The following DOCK6 variants were observed in gnomAD, a reference collection of about 807,000 sequenced individuals.
DOCK6 encodes dedicator of cytokinesis protein 6.
Under a neutral mutation model 230.3 loss-of-function variants are expected in DOCK6, and 167 were observed. That is an observed-to-expected ratio of 0.73 (90% CI 0.64 to 0.82). The LOEUF is 0.82. Ranked by LOEUF, DOCK6 falls within the 40% of genes least tolerant of loss-of-function variation. The pLI, the probability that DOCK6 is intolerant of heterozygous loss-of-function variation, is 0.00. For synonymous variants in DOCK6, 1,148 were observed against 1,185.0 expected, an observed-to-expected ratio of 0.97 and a Z score of 0.64; for missense variants, 2,598 against 2,825.8, an observed-to-expected ratio of 0.92 and a Z score of 1.83.
At chr19:11,239,935 G>A (rs746995630) in intron 14 of DOCK6, 66 of 1,579,130 alleles carry the variant, frequency 4.2e-5, no homozygotes, top group Non-Finnish European at 5.6e-5. Flanking sequence ...GGAGACTCAG[G>A]TGGGCACCGT....
At chr19:11,230,983 C>T (rs2079756361) in intron 22 of DOCK6, among the ~76,000 whole-genome samples, 1 of 152,142 alleles carries the variant, frequency 6.6e-6, no homozygotes. Context: ...CCAGCCATAC[C>T]CTGGCAACTC....
At chr19:11,259,561 T>TTTTTC (rs1236507360) in intron 1 of DOCK6, among the ~76,000 whole-genome samples, 8 of 128,302 alleles carry the variant, frequency 6.2e-5, no homozygotes, top group Non-Finnish European at 1.2e-4. Context: ...CTTTTCTTTT[T>TTTTTC]TTTTTTTTTT....
intron 1 of DOCK6, among the ~76,000 whole-genome samples, chr19:11,260,946 C>G (rs1405553901): frequency 6.7e-6 from 1 of 148,448 alleles, no homozygotes; most frequent in Admixed American, 6.7e-5. Flanking sequence ...AAACAGACAG[C>G]AATAATGTTT....
intron 7 of DOCK6, 94 bp from the exon 8 acceptor site, chr19:11,245,972 A>C: frequency 4.3e-6 from 6 of 1,393,810 alleles, no homozygotes; most frequent in Non-Finnish European, 5.9e-6. Flanking sequence ...GGGGCATCTG[A>C]CTCCCACTGG....
Position 11,248,165 on chromosome 19 carries a change from GGGGT to G in DOCK6, c.721-18_721-15del. ...CACGGCTTCATCCTGCCAAGAGTGG[GGGGT>G]GGGAGCTGGGCGGGAGGAGCTGGGA... is the stretch of plus-strand genomic sequence containing the variant. On this transcript the variant is annotated splice_polypyrimidine_tract_variant and intron_variant, in intron 6 of 47. Transcript: ENST00000294618. The G allele has an allele frequency of 1.9e-6, 3 of 1,568,926 alleles. No individual in the cohort carries two copies. The highest frequency in any genetic ancestry group is 2.6e-6 in the Non-Finnish European group (3 of 1,144,148).
rs1445290234 is a variant in DOCK6 at position 11,222,317 on chromosome 19, C to CCAT, written c.3241-72_3241-70dup. The CCAT allele has an allele frequency of 3.8e-5, 58 of 1,530,416 alleles. No homozygotes were observed. The highest frequency in any genetic ancestry group is 4.9e-5 in the Non-Finnish European group (56 of 1,131,378). The allele number at this position is 1,530,416 out of a possible 1,614,324, so 94.8% of individuals were successfully genotyped here. ...CAGAGGTGGCAGGTCACCATTAAAG[C>CCAT]CATCTTGGAGGTGACAGAAATCATG... On this transcript the variant is annotated intron_variant, in intron 26 of 47. Coordinates refer to ENST00000294618, the MANE Select transcript of DOCK6 (RefSeq NM_020812.4). This position sits in a 1 kb window ranked among gnomAD's most constrained non-coding sequence, Gnocchi z 4.0.
At chr19:11,204,471 CT>C (rs1228004212) in intron 39 of DOCK6, 140 bp from the exon 40 acceptor site, 7 of 1,214,296 alleles carry the variant, frequency 5.8e-6, no homozygotes, top group Admixed American at 5.6e-5. Flanking sequence ...CTGACCACCC[CT>C]ATCCCAGATA....
At chr19:11,250,741 C>T in intron 6 of DOCK6, 133 bp downstream of exon 6, 1 of 892,080 alleles carries the variant, frequency 1.1e-6, no homozygotes, top group Non-Finnish European at 1.7e-6. Context: ...AGTAGGTGCC[C>T]AATAAACACT....
At chr19:11,218,858 GAA>G (rs59175057) in intron 28 of DOCK6, among the ~76,000 whole-genome samples, 2 of 104,588 alleles carry the variant, frequency 1.9e-5, no homozygotes, top group African/African-American at 3.3e-5. Context: ...AGGAGCTCAA[GAA>G]AAAAAAAAAA....
intron 14 of DOCK6, among the ~76,000 whole-genome samples, chr19:11,241,138 C>T (rs1437920082): frequency 6.6e-6 from 1 of 151,608 alleles, no homozygotes; most frequent in East Asian, 1.9e-4. Flanking sequence ...CCCAGCTACT[C>T]AGGAGGCTTA....
In DOCK6 at chr19:11,252,793, G is replaced by C. The variant is rs750683362; in HGVS notation, c.298C>G (p.Pro100Ala). The change falls in exon 3 of 48, where the codon CCC becomes GCC. Residue 100 changes from proline (P) to alanine (A), a missense_variant. Pro to Ala is a conservative substitution (Grantham distance 27, BLOSUM62 -1). Transcript: ENST00000294618. ...TGGGGCTGAACCCACTCATCCTTGGGGATCCCGGGCTCCGTGGTCCGGCAT... is the reference window on the plus strand; with the variant it reads ...TGGGGCTGAACCCACTCATCCTTGGCGATCCCGGGCTCCGTGGTCCGGCAT... ...RECRTTEPGIPKDEKLDAQVR... is the reference protein window; with the variant it reads ...RECRTTEPGIAKDEKLDAQVR... The C allele has an allele frequency of 6.2e-7, 1 of 1,610,748 alleles. No homozygotes were observed. The highest frequency in any genetic ancestry group is 2.2e-5 in the East Asian group (1 of 44,814).
intron 6 of DOCK6, among the ~76,000 whole-genome samples, chr19:11,248,863 T>C (rs191946319): frequency 6.6e-5 from 10 of 152,274 alleles, no homozygotes; most frequent in Admixed American, 6.5e-4. Context: ...TATAGAGGTA[T>C]ACAATAGGTA....
At chr19:11,204,792 T>G (rs1250281472) in intron 39 of DOCK6, among the ~76,000 whole-genome samples, 14 of 152,214 alleles carry the variant, frequency 9.2e-5, no homozygotes, top group Admixed American at 9.2e-4. Context: ...TCCTCCTGCC[T>G]TGGCCTCTTG....
At chr19:11,215,554 A>G in intron 31 of DOCK6, 83 bp from the exon 32 acceptor site, 2 of 1,430,130 alleles carry the variant, frequency 1.4e-6, no homozygotes, top group East Asian at 2.4e-5. Flanking sequence ...AGGCATGAAG[A>G]TATTCAGGTG....
At chr19:11,242,673 T>G (rs1032193108) in intron 13 of DOCK6, among the ~76,000 whole-genome samples, 9 of 151,938 alleles carry the variant, frequency 5.9e-5, no homozygotes, top group Admixed American at 5.9e-4. Context: ...ATTACAGGTA[T>G]GAGCCATCAC....
At chr19:11,234,134 G>C (rs1203238427) in intron 21 of DOCK6, among the ~76,000 whole-genome samples, 4 of 152,112 alleles carry the variant, frequency 2.6e-5, no homozygotes, top group African/African-American at 9.7e-5. Flanking sequence ...CAAGTAGCTG[G>C]GACTACAGGC....
chr19:11,233,678 T>A (rs932352151), intron 21 of DOCK6, among the ~76,000 whole-genome samples: 1 of 151,932 alleles, frequency 6.6e-6, no homozygotes, highest in Non-Finnish European at 1.5e-5. Flanking sequence ...TACAAAAAAA[T>A]TAATGAAAAA....
At position 11,211,977 on chromosome 19, in the gene DOCK6, A is replaced by G. The variant is rs962723089; in HGVS notation, c.4650+16T>C. On this transcript the variant is annotated intron_variant, in intron 36 of 47. Transcript: ENST00000294618. Reference sequence around the variant, plus strand: ...TATATGAAGGGGAGGCGGGGCGGGGACCCAGCAGGTGTCACCTGCTCTGCG... The same window carrying G: ...TATATGAAGGGGAGGCGGGGCGGGGGCCCAGCAGGTGTCACCTGCTCTGCG... The G allele has an allele frequency of 6.3e-7, 1 of 1,588,578 alleles. No individual in the cohort carries two copies. The highest frequency in any genetic ancestry group is 8.6e-7 in the Non-Finnish European group (1 of 1,164,438).
At position 11,243,913 on chromosome 19, in the gene DOCK6, C is replaced by G. The variant is rs755758123; in HGVS notation, c.1024-31G>C. 13 of 1,582,642 alleles carry G rather than the reference C, an allele frequency of 8.2e-6. No individual in the cohort carries two copies. In the South Asian group the frequency reaches 1.0e-4, roughly 13 times the overall value. ...GGGCAGATGAATGAATCCAGTGAGG[C>G]GCTGCCCGAACGCTCTGTTCCCCCG... On this transcript the variant is annotated intron_variant, in intron 9 of 47. Coordinates refer to ENST00000294618, the MANE Select transcript of DOCK6 (RefSeq NM_020812.4). The surrounding 1 kb of genome is among the most constrained non-coding windows in gnomAD (Gnocchi z 6.3).
Sources: allele counts gnomAD v4.1 joint callset (sites outside exome capture counted in the v4.1 genomes callset), GRCh38; gene constraint gnomAD v4.1.1; non-coding constraint Gnocchi (gnomAD v3.1); transcripts MANE v1.5; gene names NCBI Gene and HGNC (gene_info 2026-07-23, HGNC 2026-07-21).